NFRKB: variants seen among roughly 807,000 people sequenced by gnomAD.
NFRKB encodes nuclear factor related to kappaB binding protein, also known as nuclear factor related to kappa-B-binding protein.
A neutral mutation model predicts 135.7 loss-of-function variants in NFRKB; 62 were observed. That is an observed-to-expected ratio of 0.46 (90% CI 0.37 to 0.56). The LOEUF (loss-of-function observed/expected upper bound fraction) is 0.56, where lower values mean the gene tolerates loss of function less well. NFRKB is among the 20% of genes least tolerant of loss of function. The pLI is 0.00. For synonymous variants in NFRKB, 678 were observed against 635.6 expected, an observed-to-expected ratio of 1.07 and a Z score of -1.00; for missense variants, 1,545 against 1,662.0, an observed-to-expected ratio of 0.93 and a Z score of 1.22.
At position 129,869,788 on chromosome 11, in the gene NFRKB, A is replaced by G. The variant is rs767737853; in HGVS notation, c.3237T>C (p.Ser1079=). 7.4e-6 allele frequency: 12 copies of G among 1,614,226 alleles called. No homozygotes were observed. The highest frequency in any genetic ancestry group is 1.0e-5 in the Non-Finnish European group (12 of 1,180,044). The change falls in exon 24 of 27, where the codon TCT becomes TCC. Residue 1079 remains serine, a synonymous_variant. Coordinates refer to ENST00000682444, the MANE Select transcript of NFRKB (RefSeq NM_001143835.2). The part of the protein sequence containing the change: ...ADQKGKSTVA[S]SEAKPAATIR... The stretch of plus-strand genomic sequence containing the variant: ...TCGTGGCAGCTGGTTTTGCTTCTGA[A>G]GAGGCCACTGTGCTTTTTCCCTTCT...
At chr11:129,888,887 G>T in intron 3 of NFRKB, 92 bp from the exon 4 acceptor site, 2 of 917,414 alleles carry the variant, frequency 2.2e-6, no homozygotes, top group Non-Finnish European at 3.3e-6. Flanking sequence ...ATATACATAA[G>T]ATTTACCAAT....
intron 13 of NFRKB, 112 bp downstream of exon 13, chr11:129,881,331 T>C: frequency 9.6e-7 from 1 of 1,038,176 alleles, no homozygotes; most frequent in Non-Finnish European, 1.5e-6. Flanking sequence ...TAAGGTCTGA[T>C]ATTGCTTTTT....
At chr11:129,879,488 C>T (rs1240419170) in intron 13 of NFRKB, among the ~76,000 whole-genome samples, 2 of 152,086 alleles carry the variant, frequency 1.3e-5, no homozygotes, top group Non-Finnish European at 2.9e-5. Flanking sequence ...TAGAGAATCA[C>T]GCTCACTGAA....
chr11:129,865,445 G>T (rs1425343988), intron 25 of NFRKB, among the ~76,000 whole-genome samples: 3 of 152,170 alleles, frequency 2.0e-5, no homozygotes, highest in Non-Finnish European at 4.4e-5. Context: ...CCCTGAGACT[G>T]CAGACTCATT....
At position 129,874,373 on chromosome 11, in the gene NFRKB, A is replaced by G; in HGVS notation, c.2059-40T>C. On this transcript the variant is annotated intron_variant, in intron 20 of 26. Transcript: ENST00000682444. The surrounding 1 kb of genome is among the most constrained non-coding windows in gnomAD (Gnocchi z 4.5). The stretch of plus-strand genomic sequence containing the variant: ...AAAGAAAACTCACCTGGTGTCGTGA[A>G]GATCCCCCTAAAGGAAGGGACACCC... 4 of 1,520,192 alleles carry G rather than the reference A, an allele frequency of 2.6e-6. No homozygotes were observed. The South Asian group carries it at 4.0e-5, about 15-fold the overall frequency. The allele number at this position is 1,520,192 out of a possible 1,614,324, so 94.2% of individuals were successfully genotyped here.
chr11:129,870,730 T>G (rs1383621626), intron 23 of NFRKB, among the ~76,000 whole-genome samples: 1 of 152,066 alleles, frequency 6.6e-6, no homozygotes, highest in Non-Finnish European at 1.5e-5. Context: ...GAGCCCGGCT[T>G]CCCACCTCCT....
At chr11:129,877,478 G>GA in intron 15 of NFRKB, 93 bp from the exon 16 acceptor site, 1 of 1,161,324 alleles carries the variant, frequency 8.6e-7, no homozygotes, top group South Asian at 1.2e-5. Flanking sequence ...CTGTGACATG[G>GA]AAAGATGTCC....
Position 129,864,846 on chromosome 11 carries a change from C to T in NFRKB, c.3779G>A (p.Arg1260His), listed in dbSNP as rs376939410. ...ATGGGATGCAGGGACAGTCTGGATG[C>T]GCACCTGTTTGCAAAGACAGAAGGT... Reference protein sequence around the residue: ...LQQQGQATQVRIQTVPASHLQ... With the variant: ...LQQQGQATQVHIQTVPASHLQ... The change falls in exon 27 of 27, where the codon CGC (arginine) becomes CAC (histidine). Residue 1260 changes from arginine to histidine, a missense_variant. Arg to His is a conservative substitution (Grantham distance 29, BLOSUM62 0). Coordinates refer to ENST00000682444, the MANE Select transcript of NFRKB (RefSeq NM_001143835.2). The T allele has an allele frequency of 7.1e-5, 115 of 1,614,198 alleles. No individual in the cohort carries two copies. The South Asian group carries it at 1.1e-3, about 15-fold the overall frequency.
chr11:129,890,908 T>C (rs1005385053), intron 3 of NFRKB, among the ~76,000 whole-genome samples: 1 of 152,272 alleles, frequency 6.6e-6, no homozygotes, highest in African/African-American at 2.4e-5. Flanking sequence ...TATATAATTC[T>C]GCTTTTAAAA....
chr11:129,865,915 C>G lies in NFRKB; in HGVS notation c.3600G>C (p.Val1200=). 1 of 1,613,974 alleles carries G rather than the reference C, an allele frequency of 6.2e-7. No individual in the cohort carries two copies. Among genetic ancestry groups the G allele is most frequent in the Non-Finnish European group, 8.5e-7 (1 of 1,179,964 alleles). ...TGCCTTTGATGATGGGGGCTGTGACCACGCTCTTGCCCTTCATTGGCTGGC... is the reference window on the plus strand; with the variant it reads ...TGCCTTTGATGATGGGGGCTGTGACGACGCTCTTGCCCTTCATTGGCTGGC... The part of the protein sequence containing the change: ...VISQPMKGKS[V]VTAPIIKGNL... The change falls in exon 25 of 27, where the codon GTG becomes GTC. Residue 1200 remains valine, a synonymous_variant. Transcript: ENST00000682444.
In NFRKB at chr11:129,875,373, T is replaced by G; in HGVS notation, c.1838A>C (p.Asp613Ala). The change falls in exon 18 of 27, where the codon GAT becomes GCT. Residue 613 changes from aspartate (D) to alanine (A), a missense_variant. Physicochemically the swap from Asp to Ala is moderately radical, Grantham distance 126. Coordinates refer to ENST00000682444, the MANE Select transcript of NFRKB (RefSeq NM_001143835.2). ...CCGTCCTACCTGAGTGCTGGTGACATCTGGTGCAAGAAACTGGGAGTCCTT... is the reference window on the plus strand; with the variant it reads ...CCGTCCTACCTGAGTGCTGGTGACAGCTGGTGCAAGAAACTGGGAGTCCTT... ...LLKDSQFLAP[D>A]VTSTQVNTVV... is the part of the protein sequence containing the mutation. The G allele has an allele frequency of 6.2e-7, 1 of 1,613,054 alleles. No individual in the cohort carries two copies. The highest frequency in any genetic ancestry group is 8.5e-7 in the Non-Finnish European group (1 of 1,179,642).
intron 4 of NFRKB, among the ~76,000 whole-genome samples, chr11:129,887,437 T>TGTGCCTCCTGAGGTGAC (rs1949329763): frequency 1.3e-5 from 2 of 151,974 alleles, no homozygotes; most frequent in Non-Finnish European, 2.9e-5. Flanking sequence ...GAAAACCTGA[T>TGTGCCTCCTGAGGTGAC]ACCATGTGCC....
chr11:129,886,582 CAAG>C (rs1394449425), intron 4 of NFRKB, 138 bp from the exon 5 acceptor site: 8 of 797,574 alleles, frequency 1.0e-5, no homozygotes, highest in African/African-American at 5.2e-5. Context: ...TTAAGAGAAT[CAAG>C]AAGGAGAACC....
intron 4 of NFRKB, among the ~76,000 whole-genome samples, chr11:129,887,519 T>G (rs1949334196): frequency 6.6e-6 from 1 of 152,148 alleles, no homozygotes; most frequent in South Asian, 2.1e-4. Flanking sequence ...TAACCCAATC[T>G]AACCATGAGA....
At chr11:129,866,309 T>C (rs1234131201) in intron 24 of NFRKB, among the ~76,000 whole-genome samples, 1 of 152,130 alleles carries the variant, frequency 6.6e-6, no homozygotes, top group African/African-American at 2.4e-5. Context: ...CAGTCCAAGA[T>C]TCTGAGTTCC....
chr11:129,872,672 C>T (rs570587439), intron 23 of NFRKB: 9 of 479,814 alleles, frequency 1.9e-5, no homozygotes, highest in Middle Eastern at 5.5e-4. Flanking sequence ...CTGAATTAAA[C>T]GGAATGAAAC....
At chr11:129,893,571 G>A (rs560310499) in intron 2 of NFRKB, among the ~76,000 whole-genome samples, 50 of 147,184 alleles carry the variant, frequency 3.4e-4, no homozygotes, top group African/African-American at 1.1e-3. Flanking sequence ...AAAAAAAAAA[G>A]GAAAGGAAAA....
chr11:129,870,321 C>T, intron 23 of NFRKB, 60 bp from the exon 24 acceptor site: 5 of 1,528,814 alleles, frequency 3.3e-6, no homozygotes, highest in South Asian at 2.5e-5. Context: ...TTACAAAATA[C>T]AACTAGACAA....
intron 6 of NFRKB, 57 bp from the exon 7 acceptor site, chr11:129,884,903 G>A (rs760030936): frequency 1.2e-6 from 2 of 1,612,832 alleles, no homozygotes; most frequent in South Asian, 2.2e-5. Flanking sequence ...CAATAGGGGA[G>A]ATTGGGTAAG....
Sources: allele counts gnomAD v4.1 joint callset (sites outside exome capture counted in the v4.1 genomes callset), GRCh38; gene constraint gnomAD v4.1.1; non-coding constraint Gnocchi (gnomAD v3.1); transcripts MANE v1.5; gene names NCBI Gene and HGNC (gene_info 2026-07-23, HGNC 2026-07-21).